Variants in PTPRD observed in about 807,000 individuals in gnomAD.
PTPRD encodes the protein receptor-type tyrosine-protein phosphatase delta.
Under a neutral mutation model 214.5 loss-of-function variants are expected in PTPRD, and 34 were observed. The observed-to-expected ratio is 0.16, with a 90% CI of 0.12 to 0.21. PTPRD has a LOEUF of 0.21. Among genes scored for constraint, PTPRD ranks in the 10% least tolerant of loss-of-function variants. The pLI is 1.00. For synonymous variants in PTPRD, 1,128 were observed against 845.7 expected, an observed-to-expected ratio of 1.33 and a Z score of -5.79; for missense variants, 2,545 against 2,398.7, an observed-to-expected ratio of 1.06 and a Z score of -1.27.
At chr9:10,142,535 C>CT in intron 3 of PTPRD, among the ~76,000 whole-genome samples, 1 of 152,252 alleles carries the variant, frequency 6.6e-6, no homozygotes, top group South Asian at 2.1e-4. Flanking sequence ...TGCTCACCAT[C>CT]ACTAGCCATC....
chr9:9,074,416 A>C (rs2099748050), intron 10 of PTPRD, among the ~76,000 whole-genome samples: 1 of 152,154 alleles, frequency 6.6e-6, no homozygotes, highest in Admixed American at 6.6e-5. Flanking sequence ...TCACTAAAAC[A>C]GATTTTCAAC....
At chr9:8,691,396 G>C (rs77376237) in intron 12 of PTPRD, among the ~76,000 whole-genome samples, 3 of 113,648 alleles carry the variant, frequency 2.6e-5, no homozygotes, top group African/African-American at 9.0e-5. Context: ...CTTCTCTAGA[G>C]AAAAAAAAAA....
chr9:9,061,424 T>C (rs1363869336), intron 10 of PTPRD, among the ~76,000 whole-genome samples: 1 of 152,194 alleles, frequency 6.6e-6, no homozygotes, highest in Non-Finnish European at 1.5e-5. Context: ...AACAAGGTAA[T>C]GAAGACTCGG....
At chr9:9,946,578 CTT>C (rs1442175319) in intron 4 of PTPRD, among the ~76,000 whole-genome samples, 1 of 152,084 alleles carries the variant, frequency 6.6e-6, no homozygotes, top group Non-Finnish European at 1.5e-5. Context: ...GAGGCACACT[CTT>C]TTTGCAAAGG....
At chr9:8,391,319 G>A (rs1045866901) in intron 36 of PTPRD, among the ~76,000 whole-genome samples, 4 of 152,148 alleles carry the variant, frequency 2.6e-5, no homozygotes, top group Non-Finnish European at 4.4e-5. Flanking sequence ...CACGGATATG[G>A]AATACCACCA....
At chr9:10,129,345 C>G (rs1227787765) in intron 3 of PTPRD, among the ~76,000 whole-genome samples, 1 of 151,992 alleles carries the variant, frequency 6.6e-6, no homozygotes, top group African/African-American at 2.4e-5. Context: ...GTTTAGTGTC[C>G]TTTTTAAGAT....
At chr9:8,933,427 G>C (rs2098968297) in intron 11 of PTPRD, among the ~76,000 whole-genome samples, 1 of 136,552 alleles carries the variant, frequency 7.3e-6, no homozygotes, top group Non-Finnish European at 1.5e-5. Flanking sequence ...CCAAGTTTAA[G>C]CATTTTTTCT....
intron 11 of PTPRD, among the ~76,000 whole-genome samples, chr9:8,738,499 A>G (rs978064865): frequency 6.6e-6 from 1 of 152,138 alleles, no homozygotes; most frequent in Admixed American, 6.5e-5. Flanking sequence ...GTAGAAAATT[A>G]GTCAACATCT....
chr9:9,000,388 G>A (rs1241591955), intron 11 of PTPRD, among the ~76,000 whole-genome samples: 2 of 151,974 alleles, frequency 1.3e-5, no homozygotes. Flanking sequence ...AAGATGGGCA[G>A]GTAAGAGTAA....
At position 10,502,450 on chromosome 9, in the gene PTPRD, T is replaced by A. The variant is rs191445094; in HGVS notation, c.-600+109948A>T. On this transcript the variant is annotated intron_variant, in intron 2 of 45. Transcript: ENST00000381196. The stretch of plus-strand genomic sequence containing the variant: ...GCTATTTGCAAATTTAAAATTAGTA[T>A]TAATCTCTATACACAATAAGGTAAA... 5.8e-3 allele frequency among the ~76,000 whole-genome samples: 889 copies of A among 152,132 alleles called. 5 individuals carry two copies. The highest frequency in any genetic ancestry group is 8.7e-3 in the Non-Finnish European group (589 of 67,906).
chr9:9,146,917 A>G (rs10120892), intron 10 of PTPRD, among the ~76,000 whole-genome samples: 2,004 of 152,228 alleles, frequency 0.013, 50 homozygotes, highest in African/African-American at 0.046. Flanking sequence ...CACGTGGAGC[A>G]GCTGCAGTGA....
chr9:8,694,617 A>T (rs1209156176), intron 12 of PTPRD, among the ~76,000 whole-genome samples: 1 of 152,238 alleles, frequency 6.6e-6, no homozygotes, highest in East Asian at 1.9e-4. Flanking sequence ...TTTTCTGCAT[A>T]TGCCAAGGAA....
intron 12 of PTPRD, among the ~76,000 whole-genome samples, chr9:8,716,260 G>A (rs1169868783): frequency 6.6e-6 from 1 of 152,180 alleles, no homozygotes; most frequent in Admixed American, 6.5e-5. Flanking sequence ...GAACCTACAA[G>A]GAGAACCAAA....
At chr9:9,988,543 G>A (rs1588255317) in intron 4 of PTPRD, among the ~76,000 whole-genome samples, 1 of 152,246 alleles carries the variant, frequency 6.6e-6, no homozygotes, top group Non-Finnish European at 1.5e-5. Context: ...AAGTCTCAAA[G>A]ATAAAGTGCC....
chr9:10,051,756 T>C (rs2097539578), intron 3 of PTPRD, among the ~76,000 whole-genome samples: 1 of 152,120 alleles, frequency 6.6e-6, no homozygotes, highest in South Asian at 2.1e-4. Flanking sequence ...CCCTTTTCTG[T>C]AGTCAAAAAA....
At chr9:9,882,844 G>T (rs1176587475) in intron 5 of PTPRD, among the ~76,000 whole-genome samples, 2 of 151,984 alleles carry the variant, frequency 1.3e-5, no homozygotes, top group African/African-American at 4.8e-5. Context: ...GAAGTGTTTC[G>T]GCCACTGGGG....
chr9:10,361,268 C>T (rs932035330), intron 2 of PTPRD, among the ~76,000 whole-genome samples: 1 of 152,136 alleles, frequency 6.6e-6, no homozygotes, highest in African/African-American at 2.4e-5. Context: ...TGTGGTATCT[C>T]ATGTCATGGA....
chr9:8,926,655 T>C (rs543353778), intron 11 of PTPRD, among the ~76,000 whole-genome samples: 15 of 152,324 alleles, frequency 9.8e-5, no homozygotes, highest in African/African-American at 3.6e-4. Flanking sequence ...GAAATAATCA[T>C]TCCCATGTCT....
intron 6 of PTPRD, among the ~76,000 whole-genome samples, chr9:9,757,946 C>T (rs944497418): frequency 2.6e-5 from 4 of 151,900 alleles, no homozygotes; most frequent in Admixed American, 6.6e-5. Flanking sequence ...CTAGAACCCC[C>T]GAATCTCTGA....
Sources: gnomAD v4.1 joint callset for allele counts (sites outside exome capture counted in the v4.1 genomes callset) on GRCh38, gnomAD v4.1.1 for gene constraint, MANE v1.5 for transcripts, NCBI Gene and HGNC (gene_info 2026-07-23, HGNC 2026-07-21) for gene names.